BABAM2: variants seen among roughly 807,000 people sequenced by gnomAD.
BABAM2 encodes BRISC and BRCA1 A complex member 2.
BABAM2 carries 31 observed loss-of-function variants against 54.7 expected under a neutral mutation model. The observed-to-expected ratio is 0.57, with a 90% CI of 0.43 to 0.77. BABAM2 has a LOEUF of 0.77. Ranked by LOEUF, BABAM2 falls within the 30% of genes least tolerant of loss-of-function variation. BABAM2 has a pLI of 0.00. For synonymous variants in BABAM2, 167 were observed against 162.9 expected (o/e 1.03, Z -0.19); for missense variants, 364 against 455.8 (o/e 0.80, Z 1.83).
chr2:28,002,733 A>G (rs1673663294), intron 4 of BABAM2, among the ~76,000 whole-genome samples: 1 of 152,192 alleles, frequency 6.6e-6, no homozygotes. Flanking sequence ...GCATTAATGA[A>G]AGAGAGAATA....
intron 2 of BABAM2, among the ~76,000 whole-genome samples, chr2:27,910,530 A>T (rs1006988821): frequency 6.6e-6 from 1 of 152,138 alleles, no homozygotes; most frequent in Non-Finnish European, 1.5e-5. Flanking sequence ...AAAACCCAGA[A>T]CATTATCAGC....
chr2:28,249,782 A>C (rs1445940640), intron 10 of BABAM2, among the ~76,000 whole-genome samples: 2 of 152,030 alleles, frequency 1.3e-5, no homozygotes, highest in South Asian at 2.1e-4. Flanking sequence ...CTGGAACTAT[A>C]CATAAGCGCC....
At chr2:28,332,219 G>A (rs1169455423) in intron 11 of BABAM2, among the ~76,000 whole-genome samples, 1 of 152,162 alleles carries the variant, frequency 6.6e-6, no homozygotes, top group East Asian at 1.9e-4. Flanking sequence ...TAGGCGCTGG[G>A]TTGAGAGGTG....
chr2:28,220,072 A>G (rs899688542), intron 7 of BABAM2, among the ~76,000 whole-genome samples: 4 of 152,178 alleles, frequency 2.6e-5, no homozygotes, highest in East Asian at 1.9e-4. Context: ...TTTTGTACCA[A>G]ACAAGTTTGT....
intron 6 of BABAM2, among the ~76,000 whole-genome samples, chr2:28,066,361 T>C (rs922817395): frequency 8.5e-5 from 13 of 152,082 alleles, no homozygotes; most frequent in African/African-American, 3.1e-4. Context: ...TTTTTATTCT[T>C]TAGTATATTG....
intron 11 of BABAM2, among the ~76,000 whole-genome samples, chr2:28,333,596 C>T (rs191012083): frequency 3.3e-5 from 5 of 152,276 alleles, no homozygotes; most frequent in Admixed American, 6.5e-5. Flanking sequence ...TGGGTTGGAC[C>T]GAGTTGTAAT....
chr2:28,167,416 G>C (rs1455012105), intron 7 of BABAM2, among the ~76,000 whole-genome samples: 6 of 152,062 alleles, frequency 3.9e-5, no homozygotes, highest in African/African-American at 7.2e-5. Flanking sequence ...CGTTTGCGCT[G>C]GGAGCAGTGG....
intron 10 of BABAM2, among the ~76,000 whole-genome samples, chr2:28,270,209 A>G (rs1685306614): frequency 6.6e-6 from 1 of 151,768 alleles, no homozygotes. Flanking sequence ...GCTGCCTCAA[A>G]CTCCTAGACT....
chr2:28,065,978 TA>T (rs756592657), intron 6 of BABAM2, among the ~76,000 whole-genome samples: 2,120 of 91,886 alleles, frequency 0.023, 24 homozygotes, highest in Middle Eastern at 0.061. Flanking sequence ...CTGTCTCTAC[TA>T]AAAAAAAAAA....
At chr2:28,293,543 G>A (rs1235856602) in intron 10 of BABAM2, among the ~76,000 whole-genome samples, 3 of 152,190 alleles carry the variant, frequency 2.0e-5, no homozygotes, top group Admixed American at 6.5e-5. Context: ...ACTGCAACCC[G>A]CGGAACCCAT....
chr2:27,988,917 T>G (rs1332865218), intron 4 of BABAM2, among the ~76,000 whole-genome samples: 1 of 152,176 alleles, frequency 6.6e-6, no homozygotes, highest in Non-Finnish European at 1.5e-5. Context: ...TATTCAAGTT[T>G]TATTGTTAAA....
intron 3 of BABAM2, among the ~76,000 whole-genome samples, chr2:27,974,684 G>C (rs1671465700): frequency 6.6e-6 from 1 of 152,052 alleles, no homozygotes; most frequent in South Asian, 2.1e-4. Flanking sequence ...TTTCTTCTAA[G>C]ACTGAGAATG....
chr2:28,067,900 G>C (rs1434873746), intron 6 of BABAM2, among the ~76,000 whole-genome samples: 1 of 152,094 alleles, frequency 6.6e-6, no homozygotes, highest in Non-Finnish European at 1.5e-5. Context: ...TGAACACAGT[G>C]TATACTCAGT....
At chr2:28,111,153 T>G (rs1184543672) in intron 6 of BABAM2, among the ~76,000 whole-genome samples, 1 of 140,350 alleles carries the variant, frequency 7.1e-6, no homozygotes, top group Non-Finnish European at 1.6e-5. Context: ...TTTTTTTGTA[T>G]TTTTTTTTTA....
At chr2:28,003,879 G>A (rs773840871) in intron 4 of BABAM2, among the ~76,000 whole-genome samples, 1 of 152,142 alleles carries the variant, frequency 6.6e-6, no homozygotes, top group Non-Finnish European at 1.5e-5. Flanking sequence ...CATTACCAGA[G>A]AGAGCTTAGC....
intron 7 of BABAM2, among the ~76,000 whole-genome samples, chr2:28,174,779 T>C (rs927048182): frequency 3.9e-5 from 6 of 152,054 alleles, no homozygotes; most frequent in African/African-American, 1.5e-4. Context: ...AGCTGTAGCG[T>C]GGTACGATTT....
intron 6 of BABAM2, among the ~76,000 whole-genome samples, chr2:28,062,575 C>CAA (rs200543877): frequency 1.5e-5 from 2 of 135,008 alleles, no homozygotes; most frequent in Non-Finnish European, 1.6e-5. Flanking sequence ...AAAAAAAAAC[C>CAA]AAAAAAAAAA....
chr2:28,128,286 G>A (rs1410823838), intron 6 of BABAM2, among the ~76,000 whole-genome samples: 1 of 152,146 alleles, frequency 6.6e-6, no homozygotes, highest in Non-Finnish European at 1.5e-5. Context: ...GTAATTAAGT[G>A]TTTAAAATTT....
intron 2 of BABAM2, among the ~76,000 whole-genome samples, chr2:27,901,221 G>A (rs1665774095): frequency 2.0e-5 from 3 of 152,228 alleles, no homozygotes; most frequent in South Asian, 4.1e-4. Context: ...TCACAAGCAT[G>A]TGCTATTTGT....
Sources: gnomAD v4.1 joint callset for allele counts (sites outside exome capture counted in the v4.1 genomes callset) on GRCh38, gnomAD v4.1.1 for gene constraint, MANE v1.5 for transcripts, NCBI Gene and HGNC (gene_info 2026-07-23, HGNC 2026-07-21) for gene names.